Variants in CRYBG3 observed in about 807,000 individuals in gnomAD.
The protein encoded by CRYBG3 is very large A-kinase anchor protein.
CRYBG3 carries 127 observed loss-of-function variants against 244.2 expected under a neutral mutation model. That is an observed-to-expected ratio of 0.52 (90% confidence interval 0.45 to 0.60). The LOEUF (loss-of-function observed/expected upper bound fraction) is 0.60. Among genes scored for constraint, CRYBG3 ranks in the 20% least tolerant of loss-of-function variants. The pLI is 0.00. For synonymous variants in CRYBG3, 1,132 were observed against 1,195.8 expected, an observed-to-expected ratio of 0.95 and a Z score of 1.10; for missense variants, 3,325 against 3,442.5, an observed-to-expected ratio of 0.97 and a Z score of 0.85.
Position 97,938,449 on chromosome 3 carries a change from A to G in CRYBG3, c.8505+1541A>G, listed in dbSNP as rs182564117. 2.1e-4 allele frequency among the ~76,000 whole-genome samples: 32 copies of G among 152,182 alleles called. No homozygotes were observed. In the East Asian group the frequency reaches 4.5e-3, roughly 21 times the overall value. On this transcript the variant is annotated intron_variant, in intron 19 of 21. Transcript: ENST00000389622. ...TGAGGCTCTGATGTTCTGACCTGAC[A>G]CTTATTTAACCCTTACTTAAGTGTT...
Position 97,872,904 on chromosome 3 carries a change from T to C in CRYBG3, c.1710T>C (p.Leu570=). Residue 570 remains leucine (L), a synonymous_variant, in exon 4 of 22, where the codon CTT becomes CTC. Coordinates refer to ENST00000389622, the MANE Select transcript of CRYBG3 (RefSeq NM_153605.4). ...ACTTTGAAACCAAAGCCAAAAAGCTTGATTTTAGGTCACATGATAAAATTC... is the reference window on the plus strand; with the variant it reads ...ACTTTGAAACCAAAGCCAAAAAGCTCGATTTTAGGTCACATGATAAAATTC... The part of the protein sequence containing the change: ...DQYFETKAKK[L]DFRSHDKIPH... 6.5e-7 allele frequency: 1 copy of C among 1,529,982 alleles called. No individual in the cohort carries two copies. Among genetic ancestry groups the C allele is most frequent in the African/African-American group, 1.4e-5 (1 of 72,504 alleles). 94.8% of individuals were successfully genotyped at this position (1,529,982 alleles called of 1,614,324 possible). A position where few individuals can be genotyped will look rare whatever the true frequency, so the allele number is the denominator to read the frequency against.
chr3:97,889,191 A>G (rs915943536), intron 9 of CRYBG3, among the ~76,000 whole-genome samples, 164 bp from the exon 10 acceptor site: 7 of 152,164 alleles, frequency 4.6e-5, no homozygotes, highest in Non-Finnish European at 7.4e-5. Context: ...GCTACTATAG[A>G]GTTCTGTGCT....
At chr3:97,859,830 A>G (rs2039120547) in intron 2 of CRYBG3, among the ~76,000 whole-genome samples, 1 of 151,980 alleles carries the variant, frequency 6.6e-6, no homozygotes. Context: ...TACTTGGCAG[A>G]GAAGATGTCC....
intron 2 of CRYBG3, among the ~76,000 whole-genome samples, chr3:97,863,781 C>T (rs765895287): frequency 6.6e-6 from 1 of 152,158 alleles, no homozygotes; most frequent in Non-Finnish European, 1.5e-5. Context: ...ACCTCTCACT[C>T]TTGTCATTTT....
intron 15 of CRYBG3, among the ~76,000 whole-genome samples, chr3:97,901,006 G>A (rs1443616086): frequency 6.6e-6 from 1 of 152,046 alleles, no homozygotes; most frequent in Non-Finnish European, 1.5e-5. Context: ...TTCTATTGAG[G>A]GCTAGAAATT....
At chr3:97,833,105 A>G (rs1156775830) in intron 1 of CRYBG3, among the ~76,000 whole-genome samples, 1 of 152,184 alleles carries the variant, frequency 6.6e-6, no homozygotes, top group Non-Finnish European at 1.5e-5. Context: ...ATGCTTTTAC[A>G]ATGTTGGTGG....
At chr3:97,923,603 TAAAAC>T (rs2040008349) in intron 17 of CRYBG3, among the ~76,000 whole-genome samples, 1 of 151,740 alleles carries the variant, frequency 6.6e-6, no homozygotes, top group Non-Finnish European at 1.5e-5. Context: ...AAAATAAGAT[TAAAAC>T]AAAAAAGGAG....
intron 1 of CRYBG3, among the ~76,000 whole-genome samples, chr3:97,830,310 C>T (rs1361713273): frequency 6.6e-6 from 1 of 152,112 alleles, no homozygotes; most frequent in Non-Finnish European, 1.5e-5. Context: ...CATTAAATCA[C>T]ATCTACCAGT....
chr3:97,856,178 G>A (rs1004998833), intron 2 of CRYBG3, among the ~76,000 whole-genome samples: 5 of 152,102 alleles, frequency 3.3e-5, no homozygotes, highest in African/African-American at 1.2e-4. Context: ...AAAGAATTCA[G>A]CGATATTTCT....
chr3:97,908,037 T>G (rs2039799545), intron 15 of CRYBG3, among the ~76,000 whole-genome samples: 2 of 152,248 alleles, frequency 1.3e-5, no homozygotes, highest in African/African-American at 4.8e-5. Flanking sequence ...GTTGTTCAGT[T>G]TCCATGTAGT....
chr3:97,933,237 T>C (rs1461937538), intron 17 of CRYBG3: 2 of 398,938 alleles, frequency 5.0e-6, no homozygotes, highest in Non-Finnish European at 9.8e-6. Flanking sequence ...ATGCCTTTAT[T>C]CTTCCTCCTA....
rs147413735 is a variant in CRYBG3, at chr3:97,899,322, G to A, written c.7971+59G>A. 8.0e-4 allele frequency: 1,233 copies of A among 1,534,970 alleles called. 13 individuals carry two copies. In the African/African-American group the frequency reaches 0.015, roughly 19 times the overall value. ...CATGTAATAGTATGCAATTAAATATGTGGAAAACACTTTTTAAAAGTGGAG... is the reference window on the plus strand; with the variant it reads ...CATGTAATAGTATGCAATTAAATATATGGAAAACACTTTTTAAAAGTGGAG... On this transcript the variant is annotated intron_variant, in intron 14 of 21. Coordinates refer to ENST00000389622, the MANE Select transcript of CRYBG3 (RefSeq NM_153605.4).
intron 17 of CRYBG3, among the ~76,000 whole-genome samples, chr3:97,932,328 CTTTTT>C (rs1369588830): frequency 1.3e-5 from 2 of 151,978 alleles, no homozygotes; most frequent in Admixed American, 1.3e-4. Flanking sequence ...GCTCCCCATT[CTTTTT>C]TACAGCTGTA....
intron 2 of CRYBG3, among the ~76,000 whole-genome samples, chr3:97,855,601 C>T (rs189094700): frequency 6.6e-5 from 10 of 152,174 alleles, no homozygotes; most frequent in African/African-American, 1.7e-4. Context: ...GAACCTGCCC[C>T]GATAGTCACG....
chr3:97,914,383 G>A (rs1018719043), intron 16 of CRYBG3, among the ~76,000 whole-genome samples: 3 of 152,128 alleles, frequency 2.0e-5, no homozygotes, highest in Admixed American at 1.3e-4. Context: ...TTAATGAGAA[G>A]CATTGAAGTT....
chr3:97,892,295 A>G (rs549101308), intron 10 of CRYBG3, among the ~76,000 whole-genome samples: 14 of 152,248 alleles, frequency 9.2e-5, no homozygotes, highest in African/African-American at 2.2e-4. Context: ...GGTGTTGGCT[A>G]TTGTTTCTAC....
At position 97,873,771 on chromosome 3, in the gene CRYBG3, T is replaced by C; in HGVS notation, c.2577T>C (p.Phe859=). 2.0e-6 allele frequency: 3 copies of C among 1,534,198 alleles called. No homozygotes were observed. Among genetic ancestry groups the C allele is most frequent in the Non-Finnish European group, 2.6e-6 (3 of 1,146,408 alleles). Residue 859 remains phenylalanine (F), a synonymous_variant, in exon 4 of 22, where the codon TTT becomes TTC. Coordinates refer to ENST00000389622, the MANE Select transcript of CRYBG3 (RefSeq NM_153605.4). ...TTTCTCAGGATAAAATGTCTTCTTT[T>C]CCATTGAAAATTACCCATGTTCCAG... ...RNISQDKMSS[F]PLKITHVPEK...
intron 14 of CRYBG3, 47 bp from the exon 15 acceptor site, chr3:97,900,406 C>CTA: frequency 2.3e-6 from 3 of 1,294,074 alleles, no homozygotes; most frequent in Non-Finnish European, 2.2e-6. Flanking sequence ...TTCAAAAAGA[C>CTA]AGATTATGTG....
intron 2 of CRYBG3, among the ~76,000 whole-genome samples, chr3:97,851,013 A>T (rs2038978439): frequency 6.6e-6 from 1 of 151,958 alleles, no homozygotes; most frequent in African/African-American, 2.4e-5. Context: ...TGCGCCTGTA[A>T]TCCCATTTAC....
Sources: allele counts gnomAD v4.1 joint callset (sites outside exome capture counted in the v4.1 genomes callset), GRCh38; gene constraint gnomAD v4.1.1; transcripts MANE v1.5; gene names NCBI Gene and HGNC (gene_info 2026-07-23, HGNC 2026-07-21).